The following CPB1 variants were observed in gnomAD, a reference collection of about 807,000 sequenced individuals.
The protein encoded by CPB1 is carboxypeptidase B1.
A neutral mutation model predicts 51.4 loss-of-function variants in CPB1; 53 were observed. That is an observed-to-expected ratio of 1.03 (90% CI 0.83 to 1.30). CPB1 has a LOEUF of 1.30. Ranked by LOEUF, CPB1 falls within the 50% of genes most tolerant of loss-of-function variation. The probability of loss-of-function intolerance (pLI) is 0.00; values close to 1 mark genes in which losing one functional copy is unlikely to be tolerated. For missense variants in CPB1, 494 were observed against 516.2 expected, an observed-to-expected ratio of 0.96 and a Z score of 0.42; for synonymous variants, 189 against 186.9, an observed-to-expected ratio of 1.01 and a Z score of -0.09.
intron 3 of CPB1, among the ~76,000 whole-genome samples, chr3:148,838,675 T>C (rs1419944412): frequency 1.3e-5 from 2 of 152,222 alleles, no homozygotes; most frequent in Admixed American, 1.3e-4. Flanking sequence ...AAGACATGTA[T>C]GTAAATGACT....
chr3:148,853,671 T>C (rs1713494941), intron 9 of CPB1, among the ~76,000 whole-genome samples: 1 of 152,250 alleles, frequency 6.6e-6, no homozygotes, highest in South Asian at 2.1e-4. Context: ...TTTAGCTTCC[T>C]TCTGTTCTTT....
chr3:148,857,357 G>A, intron 9 of CPB1, 100 bp from the exon 10 acceptor site: 1 of 854,144 alleles, frequency 1.2e-6, no homozygotes, highest in South Asian at 1.6e-5. Context: ...GATCCAAATT[G>A]TTACTTACAT....
At chr3:148,855,605 C>G (rs1265138215) in intron 9 of CPB1, 2 of 152,186 alleles carry the variant, frequency 1.3e-5, no homozygotes, top group Non-Finnish European at 2.9e-5. Context: ...GAAAGACAAT[C>G]AATCAACACA....
At chr3:148,856,165 T>A (rs1713562942) in intron 9 of CPB1, 1 of 152,162 alleles carries the variant, frequency 6.6e-6, no homozygotes, top group Non-Finnish European at 1.5e-5. Flanking sequence ...AATAGGAAAA[T>A]GGAACCCTAA....
rs959561074 is a variant in CPB1, at chr3:148,860,037, A to AT, written c.*40dup. ...CTGATGGCCTTGTTTCAAAATTCTC[A>AT]TTTTTCATTTCTTTTCTTTCTTGAA... is the stretch of plus-strand genomic sequence containing the variant. On this transcript the variant is annotated 3_prime_UTR_variant, in exon 11 of 11. Coordinates refer to ENST00000282957, the MANE Select transcript of CPB1 (RefSeq NM_001871.3). The AT allele has an allele frequency of 7.0e-6, 11 of 1,570,866 alleles. No homozygotes were observed. In the African/African-American group the frequency reaches 1.4e-4, roughly 20 times the overall value.
intron 8 of CPB1, 115 bp downstream of exon 8, chr3:148,844,882 A>G: frequency 1.1e-6 from 1 of 921,890 alleles, no homozygotes; most frequent in South Asian, 1.7e-5. Context: ...TAAAGTTCTA[A>G]CCTTCTAAAA....
At chr3:148,859,661 C>G (rs1014613606) in intron 10 of CPB1, among the ~76,000 whole-genome samples, 154 bp from the exon 11 acceptor site, 1 of 152,174 alleles carries the variant, frequency 6.6e-6, no homozygotes. Context: ...TTTAAAACAG[C>G]CCCCATAACA....
chr3:148,827,963 A>G, intron 1 of CPB1, 39 bp from the exon 2 acceptor site: 1 of 1,612,492 alleles, frequency 6.2e-7, no homozygotes, highest in Non-Finnish European at 8.5e-7. Flanking sequence ...CACATTACTC[A>G]TTTCCAATTC....
chr3:148,847,668 A>G (rs1713297893), intron 9 of CPB1, among the ~76,000 whole-genome samples: 1 of 152,148 alleles, frequency 6.6e-6, no homozygotes, highest in Non-Finnish European at 1.5e-5. Context: ...CTAATTGCCA[A>G]AGAAGTAGAG....
intron 9 of CPB1, among the ~76,000 whole-genome samples, chr3:148,849,402 C>G (rs1713358297): frequency 6.6e-6 from 1 of 152,108 alleles, no homozygotes; most frequent in South Asian, 2.1e-4. Flanking sequence ...ATTTAGATTT[C>G]CAAAATTCTA....
chr3:148,858,673 C>G (rs1345969666), intron 10 of CPB1, among the ~76,000 whole-genome samples: 1 of 152,096 alleles, frequency 6.6e-6, no homozygotes, highest in Non-Finnish European at 1.5e-5. Context: ...ACACCAGTCC[C>G]TCTAATTAGA....
At chr3:148,841,778 T>C (rs1382005164) in intron 5 of CPB1, 45 bp from the exon 6 acceptor site, 3 of 1,527,912 alleles carry the variant, frequency 2.0e-6, no homozygotes, top group Non-Finnish European at 2.7e-6. Flanking sequence ...CCCCTGAATG[T>C]CCTATGATGA....
At chr3:148,835,316 T>C (rs1262676471) in intron 3 of CPB1, among the ~76,000 whole-genome samples, 1 of 152,200 alleles carries the variant, frequency 6.6e-6, no homozygotes, top group East Asian at 1.9e-4. Flanking sequence ...TAAGGACAGA[T>C]ATGACCTCAC....
chr3:148,831,956 C>T (rs1712750699), intron 2 of CPB1, among the ~76,000 whole-genome samples: 1 of 152,110 alleles, frequency 6.6e-6, no homozygotes, highest in Admixed American at 6.6e-5. Flanking sequence ...TGATTTCCAG[C>T]CATGTTTCTC....
At chr3:148,851,271 G>A (rs1479698624) in intron 9 of CPB1, 2 of 149,156 alleles carry the variant, frequency 1.3e-5, no homozygotes, top group African/African-American at 2.5e-5. Flanking sequence ...GGAGGCAGAG[G>A]TTGCAGTGAG....
chr3:148,857,234 A>G, intron 9 of CPB1: 1 of 433,954 alleles, frequency 2.3e-6, no homozygotes, highest in Admixed American at 3.9e-5. Context: ...AGAGGCTCAG[A>G]GTGAATGCTT....
chr3:148,857,874 G>A lies in CPB1; in HGVS notation c.1066+333G>A, dbSNP rs1031082117. ...TAATTGCACCATTGCACTCCAGCCCGGGTGACAGAGCAGGACCCTATCTCA... is the reference window on the plus strand; with the variant it reads ...TAATTGCACCATTGCACTCCAGCCCAGGTGACAGAGCAGGACCCTATCTCA... On this transcript the variant is annotated intron_variant, in intron 10 of 10. Transcript: ENST00000282957. Among the ~76,000 whole-genome samples the A allele has an allele frequency of 5.3e-5, 8 of 152,082 alleles. No homozygotes were observed. In the East Asian group the frequency reaches 5.8e-4, roughly 11 times the overall value.
intron 9 of CPB1, among the ~76,000 whole-genome samples, chr3:148,850,461 C>A (rs1216613171): frequency 6.6e-6 from 1 of 151,828 alleles, no homozygotes; most frequent in South Asian, 2.1e-4. Context: ...GCCACCACAC[C>A]CGGCTAATTT....
At chr3:148,845,249 CT>C (rs1713199750) in intron 8 of CPB1, among the ~76,000 whole-genome samples, 174 bp from the exon 9 acceptor site, 1 of 152,048 alleles carries the variant, frequency 6.6e-6, no homozygotes, top group Non-Finnish European at 1.5e-5. Context: ...ACATACCATC[CT>C]AATCCTGTGA....
Sources: gnomAD v4.1 joint callset for allele counts (sites outside exome capture counted in the v4.1 genomes callset) on GRCh38, gnomAD v4.1.1 for gene constraint, MANE v1.5 for transcripts, NCBI Gene and HGNC (gene_info 2026-07-23, HGNC 2026-07-21) for gene names.